The following YWHAG variants were observed in gnomAD, a reference collection of about 807,000 sequenced individuals.
YWHAG encodes the protein 14-3-3 protein gamma.
In YWHAG, 1 loss-of-function variant was observed where a neutral mutation model predicts 23.3. That is an observed-to-expected ratio of 0.04 (90% CI 0.02 to 0.20). The LOEUF (loss-of-function observed/expected upper bound fraction) is 0.20, where lower values mean the gene tolerates loss of function less well. YWHAG is among the 10% of genes least tolerant of loss of function. The pLI is 1.00. For synonymous variants in YWHAG, 160 were observed against 144.0 expected (o/e 1.11, Z -0.80); for missense variants, 151 against 338.6 (o/e 0.45, Z 4.35).
chr7:76,337,017 A>G (rs1225414930), intron 1 of YWHAG, among the ~76,000 whole-genome samples: 1 of 152,246 alleles, frequency 6.6e-6, no homozygotes, highest in Non-Finnish European at 1.5e-5. Flanking sequence ...GTTCTCCTTC[A>G]TCACAACTCG....
In YWHAG at chr7:76,358,735, G is replaced by A; in HGVS notation, c.74C>T (p.Ala25Val). The change falls in exon 1 of 2, where the codon GCG becomes GTG. Residue 25 changes from alanine to valine, a missense_variant. Physicochemically the swap from Ala to Val is moderately conservative, Grantham distance 64. Transcript: ENST00000307630. ...GGAGACACTCACGTTCTTCATGGCC[G>A]CGGCCATGTCGTCGTAGCGCTCCGC... ...EQAERYDDMA[A>V]AMKNVTELNE... 1.9e-6 allele frequency: 3 copies of A among 1,591,236 alleles called. No individual in the cohort carries two copies. Among genetic ancestry groups the A allele is most frequent in the Non-Finnish European group, 2.6e-6 (3 of 1,170,338 alleles).
intron 1 of YWHAG, among the ~76,000 whole-genome samples, chr7:76,335,452 G>A (rs1018300941): frequency 6.6e-6 from 1 of 152,180 alleles, no homozygotes; most frequent in Non-Finnish European, 1.5e-5. Flanking sequence ...TTAAAAAGTA[G>A]AACTCCCCAA....
intron 1 of YWHAG, among the ~76,000 whole-genome samples, chr7:76,352,839 T>C (rs1803895906): frequency 6.6e-6 from 1 of 151,878 alleles, no homozygotes. Flanking sequence ...TTAGTACAGA[T>C]GGGATTTCAC....
At chr7:76,349,731 G>A (rs1803845781) in intron 1 of YWHAG, among the ~76,000 whole-genome samples, 1 of 152,060 alleles carries the variant, frequency 6.6e-6, no homozygotes, top group African/African-American at 2.4e-5. Context: ...TTTCTACATG[G>A]CCAGCAAACG....
Position 76,329,489 on chromosome 7 carries a change from T to TG in YWHAG, c.*87_*88insC. ...TCCCTGGGAAGGTCATCCCTCCCTT[T>TG]CCCTCCCCCACCCGACCCCCAACTC... is the stretch of plus-strand genomic sequence containing the variant. On this transcript the variant is annotated 3_prime_UTR_variant, in exon 2 of 2. Transcript: ENST00000307630. The surrounding 1 kb of genome is among the most constrained non-coding windows in gnomAD (Gnocchi z 6.1). The TG allele has an allele frequency of 2.9e-4, 298 of 1,024,108 alleles. No homozygotes were observed. Among genetic ancestry groups the TG allele is most frequent in the Middle Eastern group, 3.7e-4 (1 of 2,704 alleles). The allele number at this position is 1,024,108 out of a possible 1,614,324, so 63.4% of individuals were successfully genotyped here.
At chr7:76,343,267 T>C (rs1238739564) in intron 1 of YWHAG, among the ~76,000 whole-genome samples, 1 of 150,510 alleles carries the variant, frequency 6.6e-6, no homozygotes, top group Non-Finnish European at 1.5e-5. Context: ...CACCCTACAA[T>C]GCACAGGATG....
rs990176503 is a variant in YWHAG at position 76,327,737 on chromosome 7, A to G, written c.*1840T>C. On this transcript the variant is annotated 3_prime_UTR_variant, in exon 2 of 2. Coordinates refer to ENST00000307630, the MANE Select transcript of YWHAG (RefSeq NM_012479.4). ...ATGACTTTAGGCGCCTGTGAGAGGCACAAAAGCGGCAAAGCTTCTTCTACT... is the reference window on the plus strand; with the variant it reads ...ATGACTTTAGGCGCCTGTGAGAGGCGCAAAAGCGGCAAAGCTTCTTCTACT... 29 of 134,630 alleles carry G rather than the reference A, an allele frequency of 2.2e-4. No individual in the cohort carries two copies. The Admixed American group carries it at 2.3e-3, about 11-fold the overall frequency. The allele number at this position is 134,630 out of a possible 1,614,324, so 8.3% of individuals were successfully genotyped here. A position where few individuals can be genotyped will look rare whatever the true frequency, so the allele number is the denominator to read the frequency against.
At chr7:76,357,114 T>TA (rs2115662428) in intron 1 of YWHAG, among the ~76,000 whole-genome samples, 1 of 152,332 alleles carries the variant, frequency 6.6e-6, no homozygotes, top group Non-Finnish European at 1.5e-5. Context: ...TGATACCTAT[T>TA]AGAAGTGCAA....
At chr7:76,331,286 G>GGGAGA (rs112289084) in intron 1 of YWHAG, among the ~76,000 whole-genome samples, 2,623 of 150,270 alleles carry the variant, frequency 0.017, 74 homozygotes, top group African/African-American at 0.058. Context: ...GCTGGGGATG[G>GGGAGA]GGAGAGGAGA....
intron 1 of YWHAG, among the ~76,000 whole-genome samples, chr7:76,351,933 T>A (rs1368727313): frequency 6.6e-6 from 1 of 152,050 alleles, no homozygotes; most frequent in East Asian, 1.9e-4. Flanking sequence ...ATGAAACGGG[T>A]CCCTGGTGCC....
chr7:76,345,102 C>A (rs1364652986), intron 1 of YWHAG, among the ~76,000 whole-genome samples: 1 of 151,666 alleles, frequency 6.6e-6, no homozygotes, highest in Non-Finnish European at 1.5e-5. Flanking sequence ...GAAGTCACTA[C>A]AAACGGCCTG....
chr7:76,341,226 C>CT (rs1803688922), intron 1 of YWHAG, among the ~76,000 whole-genome samples: 1 of 151,906 alleles, frequency 6.6e-6, no homozygotes, highest in Admixed American at 6.6e-5. Flanking sequence ...AACCCCATCT[C>CT]TAACTAAAAA....
At chr7:76,344,855 T>A (rs1803752815) in intron 1 of YWHAG, among the ~76,000 whole-genome samples, 1 of 152,202 alleles carries the variant, frequency 6.6e-6, no homozygotes, top group Admixed American at 6.5e-5. Context: ...CCTATAAGAC[T>A]TACTCTTGAA....
chr7:76,348,840 A>G (rs1160154767), intron 1 of YWHAG, among the ~76,000 whole-genome samples: 1 of 151,860 alleles, frequency 6.6e-6, no homozygotes, highest in Non-Finnish European at 1.5e-5. Flanking sequence ...CAGCCTCCCA[A>G]AGTGCTGGGA....
intron 1 of YWHAG, among the ~76,000 whole-genome samples, chr7:76,350,550 T>C (rs1294114221): frequency 6.6e-6 from 1 of 151,990 alleles, no homozygotes; most frequent in East Asian, 1.9e-4. Context: ...AGTTGAAAAA[T>C]TGTCAGGTTA....
At chr7:76,357,389 T>C (rs1163918794) in intron 1 of YWHAG, among the ~76,000 whole-genome samples, 1 of 152,244 alleles carries the variant, frequency 6.6e-6, no homozygotes, top group African/African-American at 2.4e-5. Flanking sequence ...GAGATGAATT[T>C]GAAAATCTTT....
At chr7:76,341,760 T>C (rs976712273) in intron 1 of YWHAG, among the ~76,000 whole-genome samples, 1 of 152,162 alleles carries the variant, frequency 6.6e-6, no homozygotes, top group South Asian at 2.1e-4. Flanking sequence ...GGGGAATGAC[T>C]GCCAATATGG....
chr7:76,341,338 A>C (rs1035874374), intron 1 of YWHAG, among the ~76,000 whole-genome samples: 5 of 129,850 alleles, frequency 3.9e-5, no homozygotes, highest in African/African-American at 1.4e-4. Flanking sequence ...CAGGAGGCGG[A>C]GGCTGTAGTG....
chr7:76,332,675 C>T (rs1269192056), intron 1 of YWHAG, among the ~76,000 whole-genome samples: 1 of 151,742 alleles, frequency 6.6e-6, no homozygotes, highest in Admixed American at 6.6e-5. Flanking sequence ...TGTGCACCAC[C>T]ATGCATGGCT....
Sources: allele counts gnomAD v4.1 joint callset (sites outside exome capture counted in the v4.1 genomes callset), GRCh38; gene constraint gnomAD v4.1.1; non-coding constraint Gnocchi (gnomAD v3.1); transcripts MANE v1.5; gene names NCBI Gene and HGNC (gene_info 2026-07-23, HGNC 2026-07-21).